Variants in TBC1D15 observed in about 807,000 individuals in gnomAD.
TBC1D15 encodes the protein TBC1 domain family member 15.
A neutral mutation model predicts 95.4 loss-of-function variants in TBC1D15; 39 were observed. The ratio of observed to expected loss-of-function variants is 0.41; its 90% CI spans 0.32 to 0.53. The LOEUF (loss-of-function observed/expected upper bound fraction) is 0.53, where lower values mean the gene tolerates loss of function less well. TBC1D15 is among the 20% of genes least tolerant of loss of function. TBC1D15 has a pLI of 0.29. For synonymous variants in TBC1D15, 258 were observed against 261.3 expected (o/e 0.99, Z 0.12); for missense variants, 733 against 794.3 (o/e 0.92, Z 0.93).
chr12:71,872,868 AAAAT>A (rs1290491046), intron 2 of TBC1D15, 57 bp from the exon 3 acceptor site: 3 of 1,257,192 alleles, frequency 2.4e-6, no homozygotes, highest in Non-Finnish European at 3.3e-6. Context: ...TTCAGGGAAT[AAAAT>A]AATTAAGAAT....
At chr12:71,894,258 C>T in intron 6 of TBC1D15, 1 of 1,293,118 alleles carries the variant, frequency 7.7e-7, no homozygotes, top group East Asian at 2.3e-5. Context: ...TAAATTTAGC[C>T]ATCAAATATT....
At chr12:71,844,036 G>C (rs1361174646) in intron 1 of TBC1D15, among the ~76,000 whole-genome samples, 4 of 151,862 alleles carry the variant, frequency 2.6e-5, no homozygotes, top group Admixed American at 2.6e-4. Flanking sequence ...ACACAGTTTT[G>C]TCCTTGACTG....
intron 3 of TBC1D15, among the ~76,000 whole-genome samples, chr12:71,877,701 C>G (rs968701398): frequency 6.6e-6 from 1 of 151,908 alleles, no homozygotes; most frequent in Non-Finnish European, 1.5e-5. Context: ...CTCGTGTCCC[C>G]TTTTAAAGGA....
intron 5 of TBC1D15, among the ~76,000 whole-genome samples, chr12:71,885,250 G>C (rs1179691650): frequency 6.6e-6 from 1 of 152,100 alleles, no homozygotes; most frequent in Non-Finnish European, 1.5e-5. Flanking sequence ...ACAAAGAAAA[G>C]GGTAGTTTAA....
chr12:71,845,695 T>G lies in TBC1D15; in HGVS notation c.30+5884T>G, dbSNP rs531721282. ...ATAGTTTTGAAAGAAACTGAACTTT[T>G]GTACCTTTTTTGGTTGTTATATTAG... On this transcript the variant is annotated intron_variant, in intron 1 of 16. Transcript: ENST00000485960. Among the ~76,000 whole-genome samples, 140 of 152,316 alleles carry G rather than the reference T, an allele frequency of 9.2e-4. 1 individual carries two copies. Among genetic ancestry groups the G allele is most frequent in the African/African-American group, 3.2e-3 (131 of 41,574 alleles).
chr12:71,856,461 T>C (rs899203657), intron 1 of TBC1D15, among the ~76,000 whole-genome samples: 1 of 151,456 alleles, frequency 6.6e-6, no homozygotes, highest in African/African-American at 2.4e-5. Context: ...ACATGTTGCA[T>C]GTCTCTGGTA....
chr12:71,897,773 GA>G (rs1898506244), intron 9 of TBC1D15, 73 bp from the exon 10 acceptor site: 1 of 1,124,076 alleles, frequency 8.9e-7, no homozygotes, highest in East Asian at 2.4e-5. Flanking sequence ...ACTGTTTATA[GA>G]AAAACCCAAT....
In TBC1D15 at chr12:71,913,607, T is replaced by C. The variant is rs544267440; in HGVS notation, c.1301-219T>C. 28 of 432,430 alleles carry C rather than the reference T, an allele frequency of 6.5e-5. No individual in the cohort carries two copies. In the East Asian group the frequency reaches 1.6e-3, roughly 24 times the overall value. 26.8% of individuals were successfully genotyped at this position (432,430 alleles called of 1,614,324 possible). ...GAGACACGTACTGGAAGCTATATAT[T>C]GTTTGACATCTCAATCTAAAACAAC... On this transcript the variant is annotated intron_variant, in intron 11 of 16. Transcript: ENST00000485960.
intron 10 of TBC1D15, among the ~76,000 whole-genome samples, chr12:71,898,884 C>T (rs1234750664): frequency 1.3e-5 from 2 of 152,004 alleles, no homozygotes; most frequent in African/African-American, 4.8e-5. Context: ...ACTTTTGATC[C>T]AAAAAGAATT....
At chr12:71,850,816 G>A (rs780868019) in intron 1 of TBC1D15, among the ~76,000 whole-genome samples, 15 of 151,748 alleles carry the variant, frequency 9.9e-5, no homozygotes, top group South Asian at 2.1e-4. Context: ...GTGAAACCCC[G>A]TCTCTACTAA....
intron 5 of TBC1D15, among the ~76,000 whole-genome samples, chr12:71,886,845 A>G (rs1896320569): frequency 6.6e-6 from 1 of 152,186 alleles, no homozygotes; most frequent in Non-Finnish European, 1.5e-5. Flanking sequence ...CAGGCATTAA[A>G]GAGTTGGGAG....
At chr12:71,875,084 G>A (rs770325812) in intron 3 of TBC1D15, among the ~76,000 whole-genome samples, 11 of 151,498 alleles carry the variant, frequency 7.3e-5, no homozygotes, top group Non-Finnish European at 1.0e-4. Context: ...AACTACAGGC[G>A]CATGCCACCA....
In TBC1D15 at chr12:71,894,779, A is replaced by G. The variant is rs774868106; in HGVS notation, c.751A>G (p.Thr251Ala). 7 of 1,613,270 alleles carry G rather than the reference A, an allele frequency of 4.3e-6. No individual in the cohort carries two copies. Among genetic ancestry groups the G allele is most frequent in the African/African-American group, 1.3e-5 (1 of 74,908 alleles). Residue 251 changes from threonine (T) to alanine (A), a missense_variant, in exon 7 of 17, where the codon ACA (threonine) becomes GCA (alanine). Physicochemically the swap from Thr to Ala is moderately conservative, Grantham distance 58. Transcript: ENST00000485960. ...FDSLRGSDPSTHQRPPSEMAD... is the reference protein window; with the variant it reads ...FDSLRGSDPSAHQRPPSEMAD... ...CAGTTTGAGAGGCAGCGATCCCTCTACACATCAACGACCACCTTCAGAAAT... is the reference window on the plus strand; with the variant it reads ...CAGTTTGAGAGGCAGCGATCCCTCTGCACATCAACGACCACCTTCAGAAAT...
At chr12:71,861,463 A>G (rs957009405) in intron 1 of TBC1D15, 5 of 1,533,896 alleles carry the variant, frequency 3.3e-6, no homozygotes, top group South Asian at 2.5e-5. Flanking sequence ...GACTTTATCC[A>G]TACTCCAGTT....
chr12:71,888,114 T>G (rs1252237180), intron 5 of TBC1D15, among the ~76,000 whole-genome samples: 4 of 152,338 alleles, frequency 2.6e-5, no homozygotes, highest in South Asian at 2.1e-4. Context: ...TGAATGTGTG[T>G]TGTTCATGTT....
At chr12:71,913,210 A>C (rs78283971) in intron 11 of TBC1D15, 2 of 152,086 alleles carry the variant, frequency 1.3e-5, no homozygotes, top group African/African-American at 4.8e-5. Flanking sequence ...AGAGAGTAAC[A>C]AAAAAAGAAA....
intron 10 of TBC1D15, among the ~76,000 whole-genome samples, chr12:71,906,404 G>A (rs1022348830): frequency 2.0e-5 from 3 of 152,132 alleles, no homozygotes; most frequent in East Asian, 1.9e-4. Context: ...TTGAATTGTC[G>A]GTGCAACTTT....
At chr12:71,863,063 G>A (rs928109963) in intron 1 of TBC1D15, among the ~76,000 whole-genome samples, 1 of 152,050 alleles carries the variant, frequency 6.6e-6, no homozygotes, top group Non-Finnish European at 1.5e-5. Context: ...TACTGTCCTG[G>A]CCTATAAGAT....
At chr12:71,901,123 G>T (rs931407007) in intron 10 of TBC1D15, among the ~76,000 whole-genome samples, 17 of 152,058 alleles carry the variant, frequency 1.1e-4, no homozygotes, top group African/African-American at 3.6e-4. Context: ...TGGGCTCAAA[G>T]GATACTCCAG....
Sources: gnomAD v4.1 joint callset for allele counts (sites outside exome capture counted in the v4.1 genomes callset) on GRCh38, gnomAD v4.1.1 for gene constraint, MANE v1.5 for transcripts, NCBI Gene and HGNC (gene_info 2026-07-23, HGNC 2026-07-21) for gene names.